The following TBC1D19 variants were observed in gnomAD, a reference collection of about 807,000 sequenced individuals.
TBC1D19 encodes TBC1 domain family, member 19.
A neutral mutation model predicts 89.0 loss-of-function variants in TBC1D19; 60 were observed. The observed-to-expected ratio is 0.67, with a 90% CI of 0.55 to 0.84. The LOEUF (loss-of-function observed/expected upper bound fraction) is 0.84. Ranked by LOEUF, TBC1D19 falls within the 40% of genes least tolerant of loss-of-function variation. TBC1D19 has a pLI of 0.00. For synonymous variants in TBC1D19, 189 were observed against 199.7 expected (o/e 0.95, Z 0.45); for missense variants, 500 against 610.8 (o/e 0.82, Z 1.91).
At chr4:26,709,957 G>A (rs1285121930) in intron 13 of TBC1D19, among the ~76,000 whole-genome samples, 2 of 151,868 alleles carry the variant, frequency 1.3e-5, no homozygotes, top group East Asian at 3.9e-4. Flanking sequence ...CCCAAGCCAG[G>A]GGTGTCTATT....
At chr4:26,788,693 C>T in the TBC1D19 span, among the ~76,000 whole-genome samples, 1 of 152,184 alleles carries the variant, frequency 6.6e-6, no homozygotes, top group Non-Finnish European at 1.5e-5. Context: ...TTAAATGTGT[C>T]AAGAAGGACC....
chr4:26,845,239 A>G, the TBC1D19 span, among the ~76,000 whole-genome samples: 2 of 152,192 alleles, frequency 1.3e-5, no homozygotes, highest in African/African-American at 4.8e-5. Context: ...GTTGTTTTGC[A>G]ATTATAAATA....
chr4:26,736,917 A>G (rs1452599377), intron 16 of TBC1D19, among the ~76,000 whole-genome samples: 2 of 152,202 alleles, frequency 1.3e-5, no homozygotes, highest in Admixed American at 1.3e-4. Context: ...AGCAAAAGGA[A>G]GAACTCTCTA....
chr4:26,711,246 T>C (rs886160987), intron 13 of TBC1D19, among the ~76,000 whole-genome samples: 7 of 152,164 alleles, frequency 4.6e-5, no homozygotes, highest in African/African-American at 9.6e-5. Context: ...TACATATGGC[T>C]AGCCAGTTTT....
At chr4:26,764,558 T>G in the TBC1D19 span, among the ~76,000 whole-genome samples, 1 of 152,200 alleles carries the variant, frequency 6.6e-6, no homozygotes, top group Non-Finnish European at 1.5e-5. Flanking sequence ...CATCTTCATC[T>G]GCTTTCATCA....
intron 13 of TBC1D19, among the ~76,000 whole-genome samples, chr4:26,708,718 C>T (rs1186120979): frequency 6.6e-6 from 1 of 151,870 alleles, no homozygotes; most frequent in Non-Finnish European, 1.5e-5. Flanking sequence ...TTCAAGTTTG[C>T]TGATTCTTTC....
the TBC1D19 span, among the ~76,000 whole-genome samples, chr4:26,845,024 C>G: frequency 6.6e-6 from 1 of 152,122 alleles, no homozygotes; most frequent in Non-Finnish European, 1.5e-5. Flanking sequence ...GACCATTTTC[C>G]TATCATTAAA....
At chr4:26,697,963 G>A (rs1714957741) in intron 13 of TBC1D19, among the ~76,000 whole-genome samples, 2 of 152,122 alleles carry the variant, frequency 1.3e-5, no homozygotes, top group African/African-American at 4.8e-5. Flanking sequence ...AGACAGGGAT[G>A]CCCTCTCTCA....
chr4:26,771,655 G>A, the TBC1D19 span, among the ~76,000 whole-genome samples: 1 of 152,098 alleles, frequency 6.6e-6, no homozygotes, highest in East Asian at 1.9e-4. Flanking sequence ...AGGGGATGGG[G>A]GAGGGTGAAA....
At position 26,678,605 on chromosome 4, in the gene TBC1D19, G is replaced by A. The variant is rs536276538; in HGVS notation, c.816+4717G>A. Among the ~76,000 whole-genome samples the A allele has an allele frequency of 3.3e-5, 5 of 151,630 alleles. No homozygotes were observed. The East Asian group carries it at 9.7e-4, about 29-fold the overall frequency. On this transcript the variant is annotated intron_variant, in intron 11 of 20. Coordinates refer to ENST00000264866, the MANE Select transcript of TBC1D19 (RefSeq NM_018317.4). ...GTGGAGAATCTGCATTTTTATATGA[G>A]ATAACATAGAAAAAAATGGGACAGG...
At chr4:26,743,738 A>T (rs1310885980) in intron 18 of TBC1D19, among the ~76,000 whole-genome samples, 1 of 151,896 alleles carries the variant, frequency 6.6e-6, no homozygotes, top group African/African-American at 2.4e-5. Context: ...ACAAAATTCT[A>T]TTCATGATTC....
the TBC1D19 span, among the ~76,000 whole-genome samples, chr4:26,801,516 T>G: frequency 6.6e-6 from 1 of 152,194 alleles, no homozygotes; most frequent in Non-Finnish European, 1.5e-5. Flanking sequence ...CATATGAACT[T>G]TGAAGTAGTC....
At chr4:26,756,403 T>C (rs577952728), downstream of TBC1D19, among the ~76,000 whole-genome samples, 1 of 152,274 alleles carries the variant, frequency 6.6e-6, no homozygotes, top group Non-Finnish European at 1.5e-5. Flanking sequence ...GCTTTTTTCT[T>C]TAGGAGAATA....
intron 4 of TBC1D19, among the ~76,000 whole-genome samples, chr4:26,635,969 G>C (rs1180683855): frequency 3.9e-5 from 6 of 152,094 alleles, no homozygotes; most frequent in Admixed American, 2.0e-4. Flanking sequence ...TATGAATAAT[G>C]ATAGCTGTAG....
the TBC1D19 span, among the ~76,000 whole-genome samples, chr4:26,841,188 C>A: frequency 6.6e-6 from 1 of 152,038 alleles, no homozygotes; most frequent in Non-Finnish European, 1.5e-5. Context: ...CCCACCCTGG[C>A]CAACATGGAG....
At chr4:26,701,285 A>T (rs1715310599) in intron 13 of TBC1D19, among the ~76,000 whole-genome samples, 1 of 150,696 alleles carries the variant, frequency 6.6e-6, no homozygotes. Context: ...TTACTCAGAT[A>T]CACCTTCCCT....
intron 1 of TBC1D19, among the ~76,000 whole-genome samples, chr4:26,596,681 C>T (rs1159065105): frequency 1.1e-4 from 16 of 148,474 alleles, no homozygotes; most frequent in African/African-American, 3.2e-4. Flanking sequence ...GAAGCTTGTG[C>T]CATACACTTG....
intron 13 of TBC1D19, among the ~76,000 whole-genome samples, chr4:26,697,071 T>G (rs1714853659): frequency 6.6e-6 from 1 of 152,136 alleles, no homozygotes; most frequent in Admixed American, 6.5e-5. Context: ...ATCCAGGAGC[T>G]GGTTTTTTGA....
At chr4:26,653,468 T>C (rs1050289667) in intron 7 of TBC1D19, among the ~76,000 whole-genome samples, 2 of 152,152 alleles carry the variant, frequency 1.3e-5, no homozygotes, top group African/African-American at 2.4e-5. Flanking sequence ...ATGTTGACAG[T>C]GGGGTGTTAA....
Sources: allele counts gnomAD v4.1 joint callset (sites outside exome capture counted in the v4.1 genomes callset), GRCh38; gene constraint gnomAD v4.1.1; transcripts MANE v1.5; gene names NCBI Gene and HGNC (gene_info 2026-07-23, HGNC 2026-07-21).